Variants in MOV10L1 observed in about 807,000 individuals in gnomAD.
The protein encoded by MOV10L1 is RNA helicase Mov10l1.
Under a neutral mutation model 143.8 loss-of-function variants are expected in MOV10L1, and 110 were observed. The ratio of observed to expected loss-of-function variants is 0.76; its 90% CI spans 0.66 to 0.90. MOV10L1 has a LOEUF of 0.90. MOV10L1 is among the 40% of genes least tolerant of loss of function. The pLI is 0.00. For synonymous variants in MOV10L1, 593 were observed against 581.1 expected (o/e 1.02, Z -0.29); for missense variants, 1,406 against 1,526.8 (o/e 0.92, Z 1.32).
intron 10 of MOV10L1, among the ~76,000 whole-genome samples, chr22:50,122,352 T>C (rs949455401): frequency 1.3e-5 from 2 of 152,254 alleles, no homozygotes; most frequent in Non-Finnish European, 2.9e-5. Context: ...CTTTTCAGAT[T>C]CTTCAGTGTT....
At chr22:50,098,629 T>G (rs943099650) in intron 2 of MOV10L1, among the ~76,000 whole-genome samples, 14 of 152,248 alleles carry the variant, frequency 9.2e-5, no homozygotes, top group East Asian at 1.9e-4. Flanking sequence ...AACCATTTTT[T>G]GTTTCATTTA....
rs118079533 is a variant in MOV10L1 at position 50,156,550 on chromosome 22, C to T, written c.3067-1507C>T. 3.5e-3 allele frequency among the ~76,000 whole-genome samples: 535 copies of T among 152,304 alleles called. 23 individuals are homozygous for T. The East Asian group carries it at 0.089, about 25-fold the overall frequency. On this transcript the variant is annotated intron_variant, in intron 22 of 26. Transcript: ENST00000262794. ...TTTCTTCCCTGCAGTGCCTAGCAGC[C>T]ACCATTCTACTTTCTGACTGTATGA...
intron 13 of MOV10L1, among the ~76,000 whole-genome samples, chr22:50,130,846 G>C (rs546661577): frequency 6.6e-6 from 1 of 152,156 alleles, no homozygotes; most frequent in Non-Finnish European, 1.5e-5. Flanking sequence ...GGGATATCTC[G>C]TTGTGGATTT....
Position 50,160,693 on chromosome 22 carries a change from G to T in MOV10L1, c.3330G>T (p.Arg1110=), listed in dbSNP as rs765654419. 15 of 1,613,726 alleles carry T rather than the reference G, an allele frequency of 9.3e-6. No individual in the cohort carries two copies. The African/African-American group carries it at 1.3e-4, about 14-fold the overall frequency. ...TCATCTCTGTGTGCTTTTAGGTACG[G>T]TCAAATGAAGATAGATTTGAAGATG... ...EYLVIIISTV[R]SNEDRFEDDR... Residue 1110 remains arginine (R), a synonymous_variant, in exon 25 of 27, where the codon CGG becomes CGT. Transcript: ENST00000262794.
chr22:50,108,432 A>G (rs1298984857), intron 4 of MOV10L1, 184 bp downstream of exon 4: 4 of 759,086 alleles, frequency 5.3e-6, no homozygotes, highest in Non-Finnish European at 6.9e-6. Context: ...AATAACTCCT[A>G]GTGCTTGCAT....
rs1569291436 is a variant in MOV10L1 at position 50,117,328 on chromosome 22, AGTT to A, written c.1437_1439del (p.Val480del). ...AAGCGTTAACATCCGCAAAAACTAC[AGTT>A]GTTGTGACCGCACAGAAAAGGTACC... On this transcript the variant is annotated inframe_deletion, in exon 9 of 27. Coordinates refer to ENST00000262794, the MANE Select transcript of MOV10L1 (RefSeq NM_018995.3). 3.7e-6 allele frequency: 6 copies of A among 1,614,018 alleles called. No individual in the cohort carries two copies. Among genetic ancestry groups the A allele is most frequent in the East Asian group, 4.5e-5 (2 of 44,896 alleles).
At chr22:50,156,877 A>G (rs1251097697) in intron 22 of MOV10L1, among the ~76,000 whole-genome samples, 2 of 152,238 alleles carry the variant, frequency 1.3e-5, no homozygotes. Flanking sequence ...TCATGGGTAC[A>G]TACCCGGAAG....
At chr22:50,160,600 T>A (rs989056557) in intron 24 of MOV10L1, 88 bp from the exon 25 acceptor site, 1 of 1,478,016 alleles carries the variant, frequency 6.8e-7, no homozygotes, top group Non-Finnish European at 9.1e-7. Flanking sequence ...TATTTAACAT[T>A]TTTAAATGTT....
rs1366157363 is a variant in MOV10L1, at chr22:50,126,185, A to G, written c.1748-17A>G. 6.5e-7 allele frequency: 1 copy of G among 1,530,826 alleles called. No homozygotes were observed. Among genetic ancestry groups the G allele is most frequent in the Non-Finnish European group, 9.0e-7 (1 of 1,109,702 alleles). The allele number at this position is 1,530,826 out of a possible 1,614,324, so 94.8% of individuals were successfully genotyped here. A position where few individuals can be genotyped will look rare whatever the true frequency, so the allele number is the denominator to read the frequency against. On this transcript the variant is annotated splice_polypyrimidine_tract_variant and intron_variant, in intron 11 of 26. Transcript: ENST00000262794. ...TTTTGTGTTAGCTTTAAACATGGTA[A>G]TATATTTTTTAACTAGGTGATAAAC...
intron 24 of MOV10L1, 92 bp from the exon 25 acceptor site, chr22:50,160,596 A>G: frequency 6.8e-7 from 1 of 1,463,506 alleles, no homozygotes; most frequent in East Asian, 2.3e-5. Context: ...CTGCTATTTA[A>G]CATTTTTAAA....
At chr22:50,096,033 G>T (rs2062579214) in intron 2 of MOV10L1, 1 of 151,986 alleles carries the variant, frequency 6.6e-6, no homozygotes, top group Non-Finnish European at 1.5e-5. Context: ...TTTTTATTTA[G>T]ATATTTTTCT....
chr22:50,147,168 C>T lies in MOV10L1; in HGVS notation c.2627+1358C>T, dbSNP rs777645043. 1.6e-5 allele frequency: 26 copies of T among 1,582,302 alleles called. 1 individual carries two copies. In the African/African-American group the frequency reaches 1.8e-4, roughly 11 times the overall value. On this transcript the variant is annotated intron_variant, in intron 19 of 26. Transcript: ENST00000262794. Reference sequence around the variant, plus strand: ...TGTTCAGGTAGTGGGAGGAGGTGGCCGGCCAGGGCAGGCCGCTCTCTCAGA... The same window carrying T: ...TGTTCAGGTAGTGGGAGGAGGTGGCTGGCCAGGGCAGGCCGCTCTCTCAGA...
At chr22:50,133,014 G>A (rs982885580) in intron 13 of MOV10L1, among the ~76,000 whole-genome samples, 1 of 151,360 alleles carries the variant, frequency 6.6e-6, no homozygotes, top group Non-Finnish European at 1.5e-5. Context: ...CAGCCTGGGC[G>A]ACAGAGCAAG....
intron 15 of MOV10L1, among the ~76,000 whole-genome samples, chr22:50,141,822 C>G (rs1403712617): frequency 6.6e-6 from 1 of 152,164 alleles, no homozygotes; most frequent in Non-Finnish European, 1.5e-5. Context: ...AAATTTAGTC[C>G]TGTGCTTTGG....
intron 10 of MOV10L1, among the ~76,000 whole-genome samples, chr22:50,123,254 A>AT (rs1310389203): frequency 2.0e-5 from 3 of 150,804 alleles, no homozygotes; most frequent in Non-Finnish European, 3.0e-5. Flanking sequence ...TGATCATATG[A>AT]TTTTTTTTCC....
At chr22:50,133,128 G>A (rs1314820346) in intron 13 of MOV10L1, among the ~76,000 whole-genome samples, 2 of 152,132 alleles carry the variant, frequency 1.3e-5, no homozygotes, top group African/African-American at 2.4e-5. Context: ...GTTGGAACTT[G>A]TGTGCCAGTG....
At chr22:50,155,330 G>A (rs530895124) in intron 22 of MOV10L1, among the ~76,000 whole-genome samples, 24 of 148,928 alleles carry the variant, frequency 1.6e-4, no homozygotes, top group African/African-American at 4.7e-4. Context: ...GCGCCATCTC[G>A]GCTCACTGCA....
In MOV10L1 at chr22:50,128,435, C is replaced by T. The variant is rs368185281; in HGVS notation, c.1838C>T (p.Thr613Ile). 7 of 1,525,624 alleles carry T rather than the reference C, an allele frequency of 4.6e-6. No homozygotes were observed. Among genetic ancestry groups the T allele is most frequent in the South Asian group, 3.4e-5 (3 of 87,476 alleles). 94.5% of individuals were successfully genotyped at this position (1,525,624 alleles called of 1,614,324 possible). The change falls in exon 13 of 27, where the codon ACT (threonine) becomes ATT (isoleucine). Residue 613 changes from threonine to isoleucine, a missense_variant. By Grantham distance (89) the Thr-to-Ile change is moderately conservative. This residue lies in a region of MOV10L1 where 1,233 missense variants were observed against 1,351.4 expected (regional missense o/e 0.91). Transcript: ENST00000262794. ...YVTEIHEEDV[T>I]LKINPEFEQA... ...TTTTAGATTCATGAAGAAGATGTAA[C>T]TCTTAAAATTAATCCAGAATTTGAA... is the stretch of plus-strand genomic sequence containing the variant.
At chr22:50,148,146 G>C (rs1251402971) in intron 19 of MOV10L1, among the ~76,000 whole-genome samples, 1 of 152,200 alleles carries the variant, frequency 6.6e-6, no homozygotes, top group Non-Finnish European at 1.5e-5. Flanking sequence ...AGGACGGTGC[G>C]GGCCCAAGGT....
Sources: allele counts gnomAD v4.1 joint callset (sites outside exome capture counted in the v4.1 genomes callset), GRCh38; gene constraint gnomAD v4.1.1; regional missense constraint gnomAD v4.1.1; transcripts MANE v1.5; gene names NCBI Gene and HGNC (gene_info 2026-07-23, HGNC 2026-07-21).